Variants in CREB5 observed in about 807,000 individuals in gnomAD.
The protein encoded by CREB5 is cyclic AMP-responsive element-binding protein 5.
CREB5 carries 19 observed loss-of-function variants against 57.1 expected under a neutral mutation model. The observed-to-expected ratio is 0.33, with a 90% CI of 0.23 to 0.49. The LOEUF is 0.49. CREB5 is among the 20% of genes least tolerant of loss of function. The probability of loss-of-function intolerance (pLI) is 0.99; values close to 1 mark genes in which losing one functional copy is unlikely to be tolerated. For missense variants in CREB5, 579 were observed against 671.6 expected (o/e 0.86, Z 1.52); for synonymous variants, 238 against 238.3 (o/e 1.00, Z 0.01).
intron 1 of CREB5, among the ~76,000 whole-genome samples, chr7:28,453,115 A>G (rs182811162): frequency 6.6e-6 from 1 of 152,308 alleles, no homozygotes; most frequent in Admixed American, 6.5e-5. Flanking sequence ...CAGTTCTGAA[A>G]ATTTCTGTAT....
intron 1 of CREB5, among the ~76,000 whole-genome samples, chr7:28,470,323 A>G (rs1790753221): frequency 6.6e-6 from 1 of 152,130 alleles, no homozygotes; most frequent in African/African-American, 2.4e-5. Context: ...AGAACATGCG[A>G]TGTTTGTCTT....
chr7:28,725,512 G>C lies in CREB5; in HGVS notation c.702+1180G>C, dbSNP rs1036916217. Among the ~76,000 whole-genome samples the C allele has an allele frequency of 2.0e-5, 3 of 152,150 alleles. No individual in the cohort carries two copies. The East Asian group carries it at 5.8e-4, about 29-fold the overall frequency. On this transcript the variant is annotated intron_variant, in intron 7 of 10. Transcript: ENST00000357727. ...GGCACCAGCATTTGCAGCAAAGCTC[G>C]TTAAATCTTTTTGGAATGGGCAAAT...
chr7:28,669,719 A>T (rs1799955727), intron 5 of CREB5, among the ~76,000 whole-genome samples: 1 of 152,248 alleles, frequency 6.6e-6, no homozygotes, highest in South Asian at 2.1e-4. Flanking sequence ...AGTGGCTACA[A>T]GCCAAGCTCA....
chr7:28,302,918 C>G (rs1187619606), intron 1 of CREB5, among the ~76,000 whole-genome samples: 3 of 152,160 alleles, frequency 2.0e-5, no homozygotes, highest in Non-Finnish European at 2.9e-5. Context: ...CAATGCTGTT[C>G]ACAGAATGAT....
intron 1 of CREB5, among the ~76,000 whole-genome samples, chr7:28,454,666 A>T (rs1459737191): frequency 6.6e-6 from 1 of 152,202 alleles, no homozygotes; most frequent in Non-Finnish European, 1.5e-5. Context: ...CAGTGAACGC[A>T]GATATTGGAG....
chr7:28,636,996 G>A (rs1798446479), intron 5 of CREB5, among the ~76,000 whole-genome samples: 1 of 151,882 alleles, frequency 6.6e-6, no homozygotes, highest in Admixed American at 6.6e-5. Context: ...TCTACAAAAA[G>A]TACAAAAATT....
Position 28,747,088 on chromosome 7 carries a change from T to TC in CREB5, c.702+22756_702+22757insC, listed in dbSNP as rs1194481646. ...TTTAGAAAAACTAGAAACAAGACTTTTTTTTTTTTTCCTGAGGCTGTTGTG... is the reference window on the plus strand; with the variant it reads ...TTTAGAAAAACTAGAAACAAGACTTTCTTTTTTTTTTCCTGAGGCTGTTGTG... On this transcript the variant is annotated intron_variant, in intron 7 of 10. Transcript: ENST00000357727. Among the ~76,000 whole-genome samples the TC allele has an allele frequency of 1.2e-4, 18 of 151,920 alleles. No homozygotes were observed. The East Asian group carries it at 3.3e-3, about 28-fold the overall frequency.
At chr7:28,472,100 CAA>C (rs1455269177) in intron 1 of CREB5, among the ~76,000 whole-genome samples, 3 of 147,120 alleles carry the variant, frequency 2.0e-5, no homozygotes, top group South Asian at 4.3e-4. Flanking sequence ...TCCATCCCAA[CAA>C]AAACAGTCTC....
At chr7:28,348,288 T>C (rs1219795514) in intron 1 of CREB5, among the ~76,000 whole-genome samples, 1 of 152,024 alleles carries the variant, frequency 6.6e-6, no homozygotes, top group Non-Finnish European at 1.5e-5. Flanking sequence ...CGCTGGCACA[T>C]TACTAGCCTT....
intron 5 of CREB5, among the ~76,000 whole-genome samples, chr7:28,610,658 A>T (rs1277708200): frequency 6.6e-6 from 1 of 152,150 alleles, no homozygotes; most frequent in African/African-American, 2.4e-5. Context: ...TAACCTAAAA[A>T]TTTAACTCTT....
At chr7:28,709,000 A>G (rs1210629482) in intron 5 of CREB5, among the ~76,000 whole-genome samples, 1 of 152,190 alleles carries the variant, frequency 6.6e-6, no homozygotes, top group Non-Finnish European at 1.5e-5. Flanking sequence ...CTTTTTAACA[A>G]CTCACAACGG....
rs575892544 is a variant in CREB5, at chr7:28,405,887, G to T, written c.-24-89019G>T. Among the ~76,000 whole-genome samples the T allele has an allele frequency of 2.0e-5, 3 of 152,238 alleles. No homozygotes were observed. The East Asian group carries it at 5.8e-4, about 29-fold the overall frequency. On this transcript the variant is annotated intron_variant, in intron 1 of 9. Transcript: ENST00000396299. ...GTGGTAGGTGGGGAGTTCCCCAGAC[G>T]CTTGCATCAGAATCACAAATGCAGA...
intron 5 of CREB5, among the ~76,000 whole-genome samples, chr7:28,684,867 A>G (rs1364375993): frequency 6.6e-6 from 1 of 152,146 alleles, no homozygotes; most frequent in Non-Finnish European, 1.5e-5. Context: ...GGGGAGAAAT[A>G]GCAAAACGGA....
At chr7:28,519,068 AC>A (rs1250553860) in intron 4 of CREB5, among the ~76,000 whole-genome samples, 1 of 152,178 alleles carries the variant, frequency 6.6e-6, no homozygotes, top group Non-Finnish European at 1.5e-5. Context: ...GATGTTGACT[AC>A]AAGAAGTGTC....
intron 1 of CREB5, among the ~76,000 whole-genome samples, chr7:28,419,395 T>C (rs1345643075): frequency 2.6e-5 from 4 of 152,382 alleles, no homozygotes; most frequent in South Asian, 4.1e-4. Context: ...TGTTTTCTCC[T>C]AACAATGGTG....
At chr7:28,736,818 C>CTTT (rs1186318231) in intron 7 of CREB5, among the ~76,000 whole-genome samples, 1 of 104,588 alleles carries the variant, frequency 9.6e-6, no homozygotes, top group Non-Finnish European at 2.1e-5. Context: ...GGCTCTCTCT[C>CTTT]TCTCTCTTTT....
intron 1 of CREB5, among the ~76,000 whole-genome samples, chr7:28,481,429 G>T (rs538248420): frequency 6.6e-6 from 1 of 152,224 alleles, no homozygotes; most frequent in South Asian, 2.1e-4. Flanking sequence ...GAGACTACTG[G>T]CTCTAAACTG....
Position 28,615,960 on chromosome 7 carries a change from G to C in CREB5, c.464+45423G>C, listed in dbSNP as rs531871593. 10 of 152,292 alleles carry C rather than the reference G, an allele frequency of 6.6e-5. No individual in the cohort carries two copies. The East Asian group carries it at 1.9e-3, about 29-fold the overall frequency. The allele number at this position is 152,292 out of a possible 1,614,324, so 9.4% of individuals were successfully genotyped here. A position where few individuals can be genotyped will look rare whatever the true frequency, so the allele number is the denominator to read the frequency against. On this transcript the variant is annotated intron_variant, in intron 5 of 10. Transcript: ENST00000357727. ...TGTAATAAGGTTCATACTTAAAATT[G>C]GTTGACATGTCTTCTAAAACTCTTA...
At chr7:28,660,198 A>G (rs1196670825) in intron 5 of CREB5, among the ~76,000 whole-genome samples, 4 of 152,186 alleles carry the variant, frequency 2.6e-5, no homozygotes, top group East Asian at 1.9e-4. Flanking sequence ...ACAACATTCT[A>G]TAAGTGTTTT....
Sources: allele counts gnomAD v4.1 joint callset (sites outside exome capture counted in the v4.1 genomes callset), GRCh38; gene constraint gnomAD v4.1.1; transcripts MANE v1.5; gene names NCBI Gene and HGNC (gene_info 2026-07-23, HGNC 2026-07-21).